The following TRIOBP variants were observed in gnomAD, a reference collection of about 807,000 sequenced individuals.
TRIOBP encodes the protein TRIO and F-actin-binding protein.
TRIOBP carries 169 observed loss-of-function variants against 238.8 expected under a neutral mutation model. The ratio of observed to expected loss-of-function variants is 0.71; its 90% CI spans 0.62 to 0.80. The LOEUF is 0.80. Among genes scored for constraint, TRIOBP ranks in the 30% least tolerant of loss-of-function variants. The pLI is 0.00. For synonymous variants in TRIOBP, 1,150 were observed against 1,274.4 expected, an observed-to-expected ratio of 0.90 and a Z score of 2.08; for missense variants, 2,838 against 3,122.6, an observed-to-expected ratio of 0.91 and a Z score of 2.17.
intron 23 of TRIOBP, among the ~76,000 whole-genome samples, chr22:37,773,453 C>T (rs569671209): frequency 7.2e-5 from 11 of 152,292 alleles, no homozygotes; most frequent in Admixed American, 7.2e-4. Flanking sequence ...CTCCTGGGCT[C>T]AAGCAATACA....
chr22:37,755,656 C>G lies in TRIOBP; in HGVS notation c.5684C>G (p.Thr1895Ser). The G allele has an allele frequency of 1.2e-6, 2 of 1,613,986 alleles. No homozygotes were observed. The highest frequency in any genetic ancestry group is 1.7e-6 in the Non-Finnish European group (2 of 1,179,980). ...TVRPTSAPDV[T>S]KLSDSNKENA... ...CGTCCAACTTCAGCCCCAGATGTCA[C>G]CAAGTACGTACTAAGCTGGACTGGG... The change falls in exon 15 of 24, where the codon ACC (threonine) becomes AGC (serine). Residue 1895 changes from threonine (T) to serine (S), a missense_variant. Around this residue, in one of 5 missense-constraint regions of TRIOBP, gnomAD observed 2,096 missense variants for 2,137.4 expected, o/e 0.98. Transcript: ENST00000644935.
chr22:37,756,675 G>A (rs895854384), intron 15 of TRIOBP, among the ~76,000 whole-genome samples: 6 of 152,200 alleles, frequency 3.9e-5, no homozygotes, highest in South Asian at 4.1e-4. Context: ...TCGCTCTGCC[G>A]TTTCAGGGGA....
At chr22:37,755,493 G>T in intron 14 of TRIOBP, 57 bp from the exon 15 acceptor site, 2 of 1,473,186 alleles carry the variant, frequency 1.4e-6, no homozygotes, top group South Asian at 1.1e-5. Flanking sequence ...GGTCCATAGT[G>T]GGGAGGGAGT....
intron 6 of TRIOBP, among the ~76,000 whole-genome samples, chr22:37,716,956 T>G (rs1923552917): frequency 6.6e-6 from 1 of 152,196 alleles, no homozygotes; most frequent in African/African-American, 2.4e-5. Flanking sequence ...AGGATAGTCA[T>G]GGTTTCAAAG....
chr22:37,762,928 C>T (rs1471606575), intron 17 of TRIOBP, among the ~76,000 whole-genome samples: 1 of 152,120 alleles, frequency 6.6e-6, no homozygotes, highest in Non-Finnish European at 1.5e-5. Flanking sequence ...GAGAACCTTT[C>T]CCCACTATTG....
At chr22:37,730,420 G>T (rs1159459519) in intron 7 of TRIOBP, among the ~76,000 whole-genome samples, 1 of 152,172 alleles carries the variant, frequency 6.6e-6, no homozygotes, top group African/African-American at 2.4e-5. Context: ...GCAAGCTGGA[G>T]TTCGTATGGA....
In TRIOBP at chr22:37,701,496, C is replaced by A; in HGVS notation, c.114+17C>A. 6.3e-7 allele frequency: 1 copy of A among 1,587,476 alleles called. No homozygotes were observed. The highest frequency in any genetic ancestry group is 8.6e-7 in the Non-Finnish European group (1 of 1,162,136). ...AGATACCAGGTGGGCCAGTTTTCCACGTGGTTGGGGTGGTTTGTGATGGGG... is the reference window on the plus strand; with the variant it reads ...AGATACCAGGTGGGCCAGTTTTCCAAGTGGTTGGGGTGGTTTGTGATGGGG... On this transcript the variant is annotated intron_variant, in intron 3 of 23. Coordinates refer to ENST00000644935, the MANE Select transcript of TRIOBP (RefSeq NM_001039141.3).
chr22:37,769,071 G>A lies in TRIOBP; in HGVS notation c.6619G>A (p.Glu2207Lys), dbSNP rs1374143010. The A allele has an allele frequency of 1.2e-6, 2 of 1,613,570 alleles. No individual in the cohort carries two copies. Among genetic ancestry groups the A allele is most frequent in the Admixed American group, 1.7e-5 (1 of 60,030 alleles). Reference protein sequence around the residue: ...ALKRELQVLSEQYSQKCLEIG... With the variant: ...ALKRELQVLSKQYSQKCLEIG... The stretch of plus-strand genomic sequence containing the variant: ...GAAGCGAGAGCTGCAGGTGCTATCG[G>A]AGCAGTACTCGCAGAAGTGCCTGGA... The change falls in exon 20 of 24, where the codon GAG becomes AAG. Residue 2207 changes from glutamate to lysine, a missense_variant. Coordinates refer to ENST00000644935, the MANE Select transcript of TRIOBP (RefSeq NM_001039141.3).
chr22:37,765,083 C>G (rs1926416969), intron 17 of TRIOBP, among the ~76,000 whole-genome samples: 1 of 152,172 alleles, frequency 6.6e-6, no homozygotes, highest in African/African-American at 2.4e-5. Context: ...AAGTTCAAGA[C>G]CATCCTGGCT....
chr22:37,744,892 G>T (rs963917509), intron 11 of TRIOBP, among the ~76,000 whole-genome samples: 1 of 151,774 alleles, frequency 6.6e-6, no homozygotes, highest in Admixed American at 6.6e-5. Flanking sequence ...TTGAGAGGGA[G>T]TCTCGCTCCG....
chr22:37,745,816 C>T (rs1476049644), intron 11 of TRIOBP, among the ~76,000 whole-genome samples: 1 of 152,244 alleles, frequency 6.6e-6, no homozygotes, highest in African/African-American at 2.4e-5. Context: ...CCGGTCCCCG[C>T]CAAATCACGG....
In TRIOBP at chr22:37,768,054, C is replaced by T. The variant is rs772089166; in HGVS notation, c.6473-20C>T. On this transcript the variant is annotated intron_variant, in intron 18 of 23. Transcript: ENST00000644935. ...TGACCCCCCTCCAGTCTCTCTTGTG[C>T]CTCTCTGCCCTGCTTCCAGCCATTG... is the stretch of plus-strand genomic sequence containing the variant. 3.1e-6 allele frequency: 5 copies of T among 1,599,832 alleles called. No homozygotes were observed. In the South Asian group the frequency reaches 5.6e-5, roughly 18 times the overall value.
chr22:37,709,217 G>C (rs1036432708), intron 3 of TRIOBP, among the ~76,000 whole-genome samples: 1 of 152,218 alleles, frequency 6.6e-6, no homozygotes, highest in African/African-American at 2.4e-5. Context: ...AACCTGGAGA[G>C]CCTGTGCCCA....
At chr22:37,748,453 C>T (rs984296528) in intron 11 of TRIOBP, among the ~76,000 whole-genome samples, 6 of 152,206 alleles carry the variant, frequency 3.9e-5, no homozygotes, top group African/African-American at 9.7e-5. Context: ...CCTTCCCCCT[C>T]GCCTGCTGGG....
chr22:37,737,660 CAAAAAAA>C (rs35569585), intron 9 of TRIOBP, among the ~76,000 whole-genome samples: 1 of 92,952 alleles, frequency 1.1e-5, no homozygotes, highest in Non-Finnish European at 2.2e-5. Context: ...GACTCCATCT[CAAAAAAA>C]AAAAAAAAAA....
intron 9 of TRIOBP, 136 bp from the exon 10 acceptor site, chr22:37,738,506 G>T (rs950049246): frequency 1.1e-5 from 9 of 805,550 alleles, no homozygotes; most frequent in Non-Finnish European, 2.1e-6. Context: ...TGGTTGGATG[G>T]ATACATGGAT....
chr22:37,764,835 C>T (rs1024336959), intron 17 of TRIOBP, among the ~76,000 whole-genome samples: 3 of 152,216 alleles, frequency 2.0e-5, no homozygotes, highest in South Asian at 2.1e-4. Context: ...CTGGGGACTG[C>T]GCCAGTCAGA....
chr22:37,700,087 G>C (rs1922567211), intron 2 of TRIOBP, among the ~76,000 whole-genome samples: 2 of 151,652 alleles, frequency 1.3e-5, no homozygotes, highest in South Asian at 2.1e-4. Context: ...ATGTTGGCCA[G>C]GCTGGTCTTG....
At chr22:37,750,347 G>A (rs1464901153) in intron 11 of TRIOBP, among the ~76,000 whole-genome samples, 1 of 152,230 alleles carries the variant, frequency 6.6e-6, no homozygotes, top group Non-Finnish European at 1.5e-5. Context: ...GGGGGTAGGG[G>A]AGATGGCCCA....
Sources: gnomAD v4.1 joint callset for allele counts (sites outside exome capture counted in the v4.1 genomes callset) on GRCh38, gnomAD v4.1.1 for gene constraint, gnomAD v4.1.1 regional missense constraint, MANE v1.5 for transcripts, NCBI Gene and HGNC (gene_info 2026-07-23, HGNC 2026-07-21) for gene names.